Variants in IMPA1 observed in about 807,000 individuals in gnomAD.
IMPA1 encodes inositol monophosphatase 1.
In IMPA1, 21 loss-of-function variants were observed where a neutral mutation model predicts 34.9. That is an observed-to-expected ratio of 0.60 (90% CI 0.43 to 0.87). IMPA1 has a LOEUF of 0.87. Among genes scored for constraint, IMPA1 ranks in the 40% least tolerant of loss-of-function variants. The pLI is 0.00. For synonymous variants in IMPA1, 95 were observed against 104.4 expected, an observed-to-expected ratio of 0.91 and a Z score of 0.55; for missense variants, 299 against 336.4, an observed-to-expected ratio of 0.89 and a Z score of 0.87.
intron 7 of IMPA1, 50 bp downstream of exon 7, chr8:81,670,887 GCA>G (rs887364290): frequency 6.2e-5 from 54 of 871,500 alleles, no homozygotes; most frequent in South Asian, 1.9e-4. Context: ...AAAGGTGTGT[GCA>G]CACACACACG....
intron 7 of IMPA1, among the ~76,000 whole-genome samples, chr8:81,661,304 C>T (rs182728311): frequency 0.016 from 2,366 of 152,294 alleles, 63 homozygotes; most frequent in African/African-American, 0.053. Context: ...TGATAATTTA[C>T]AGAGTGTCAA....
chr8:81,686,045 C>G lies in IMPA1; in HGVS notation c.-25+207G>C. The G allele has an allele frequency of 3.4e-6, 4 of 1,179,804 alleles. 1 individual carries two copies. The South Asian group carries it at 5.5e-5, about 16-fold the overall frequency. 73.1% of individuals were successfully genotyped at this position (1,179,804 alleles called of 1,614,324 possible). On this transcript the variant is annotated intron_variant, in intron 1 of 8. Transcript: ENST00000256108. Reference sequence around the variant, plus strand: ...GGTTAAGTGAGGTCGCGTGAGCGAACCGCTACTCCAATGCCGGAACTGTTC... The same window carrying G: ...GGTTAAGTGAGGTCGCGTGAGCGAAGCGCTACTCCAATGCCGGAACTGTTC...
chr8:81,685,670 A>T, intron 1 of IMPA1: 1 of 478,168 alleles, frequency 2.1e-6, no homozygotes, highest in Non-Finnish European at 2.9e-6. Flanking sequence ...TTTTATATAT[A>T]TTTTTATATA....
chr8:81,681,590 C>T lies in IMPA1; in HGVS notation c.-24-6G>A, dbSNP rs367746531. 9.8e-6 allele frequency: 15 copies of T among 1,528,154 alleles called. No individual in the cohort carries two copies. The African/African-American group carries it at 1.5e-4, about 15-fold the overall frequency. The allele number at this position is 1,528,154 out of a possible 1,614,324, so 94.7% of individuals were successfully genotyped here. A position where few individuals can be genotyped will look rare whatever the true frequency, so the allele number is the denominator to read the frequency against. On this transcript the variant is annotated splice_region_variant and splice_polypyrimidine_tract_variant and intron_variant, in intron 1 of 8. Transcript: ENST00000256108. ...TGAAAATATTTGACAAATATCTGTA[C>T]AAAGTAGTTATAACTGTCTTAGAAG... is the stretch of plus-strand genomic sequence containing the variant.
chr8:81,662,837 C>T lies in IMPA1; in HGVS notation c.567-2170G>A, dbSNP rs984407373. Among the ~76,000 whole-genome samples, 180 of 152,164 alleles carry T rather than the reference C, an allele frequency of 1.2e-3. 1 individual carries two copies. The highest frequency in any genetic ancestry group is 1.2e-4 in the Non-Finnish European group (8 of 68,032). On this transcript the variant is annotated intron_variant, in intron 7 of 8. Transcript: ENST00000256108. ...ATGTCAGAAAATATCATATACCATA[C>T]ATAGTGAATTTCATCTACATGAATT...
At chr8:81,668,114 T>C (rs1806887217) in intron 7 of IMPA1, among the ~76,000 whole-genome samples, 1 of 152,166 alleles carries the variant, frequency 6.6e-6, no homozygotes, top group Non-Finnish European at 1.5e-5. Flanking sequence ...TGAGCCACCA[T>C]GGCCAGCCAA....
rs184462642 is a variant in IMPA1 at position 81,684,603 on chromosome 8, A to G, written c.-25+1649T>C. 1.9e-3 allele frequency among the ~76,000 whole-genome samples: 145 copies of G among 75,052 alleles called. 2 individuals carry two copies. The highest frequency in any genetic ancestry group is 0.021 in the Middle Eastern group (1 of 48). The allele number at this position is 75,052 out of a possible 152,430, so 49.2% of individuals were successfully genotyped here. ...TACACATAAGTATCTTTAGATATAT[A>G]TATCTAGTATATATATACTACACAT... is the stretch of plus-strand genomic sequence containing the variant. On this transcript the variant is annotated intron_variant, in intron 1 of 8. Coordinates refer to ENST00000256108, the MANE Select transcript of IMPA1 (RefSeq NM_005536.4).
chr8:81,676,280 C>CT lies in IMPA1; in HGVS notation c.303-2dup, dbSNP rs763126450. The CT allele has an allele frequency of 1.8e-5, 24 of 1,305,896 alleles. No individual in the cohort carries two copies. The highest frequency in any genetic ancestry group is 1.2e-4 in the South Asian group (8 of 66,156). 80.9% of individuals were successfully genotyped at this position (1,305,896 alleles called of 1,614,324 possible). A position where few individuals can be genotyped will look rare whatever the true frequency, so the allele number is the denominator to read the frequency against. ...AATTGAAACAGCTACAAAAGGAAATCTTTTTTTAAAAAAAAGGACAAAATA... is the reference window on the plus strand; with the variant it reads ...AATTGAAACAGCTACAAAAGGAAATCTTTTTTTTAAAAAAAAGGACAAAATA... On this transcript the variant is annotated splice_acceptor_variant, in intron 4 of 8. Transcript: ENST00000256108. LOFTEE classifies it high-confidence loss of function.
chr8:81,673,186 A>C (rs556841987), intron 6 of IMPA1, among the ~76,000 whole-genome samples: 62 of 152,354 alleles, frequency 4.1e-4, no homozygotes, highest in African/African-American at 1.5e-3. Flanking sequence ...TTATCTTCAC[A>C]GGTGTGGGAG....
In IMPA1 at chr8:81,685,188, T is replaced by C. The variant is rs559744981; in HGVS notation, c.-25+1064A>G. On this transcript the variant is annotated intron_variant, in intron 1 of 8. Coordinates refer to ENST00000256108, the MANE Select transcript of IMPA1 (RefSeq NM_005536.4). ...GTATATTTAGATACTATATATACTA[T>C]ACATAAGTATATTTAGATACTATAT... 4.4e-5 allele frequency among the ~76,000 whole-genome samples: 6 copies of C among 136,088 alleles called. No individual in the cohort carries two copies. In the South Asian group the frequency reaches 1.4e-3, roughly 32 times the overall value. The allele number at this position is 136,088 out of a possible 152,430, so 89.3% of individuals were successfully genotyped here.
rs1806597188 is a variant in IMPA1, at chr8:81,659,312, G to A, written c.*39C>T. ...TATCCATTGATGAGTCACCAAATCT[G>A]GGGAAAAGCAACTGGGATTGACTAT... On this transcript the variant is annotated 3_prime_UTR_variant, in exon 9 of 9. Transcript: ENST00000256108. 1 of 1,119,906 alleles carries A rather than the reference G, an allele frequency of 8.9e-7. No individual in the cohort carries two copies. Among genetic ancestry groups the A allele is most frequent in the Non-Finnish European group, 1.4e-6 (1 of 729,666 alleles). 69.4% of individuals were successfully genotyped at this position (1,119,906 alleles called of 1,614,324 possible). A position where few individuals can be genotyped will look rare whatever the true frequency, so the allele number is the denominator to read the frequency against.
At position 81,660,693 on chromosome 8, in the gene IMPA1, ATTGG is replaced by A. The variant is rs1166929939; in HGVS notation, c.567-30_567-27del. On this transcript the variant is annotated intron_variant, in intron 7 of 8. Transcript: ENST00000256108. ...CTAACAAATAGAATTTAGAAATAAA[ATTGG>A]AAAAAATAATCCTTTCAAGTAAGAT... The A allele has an allele frequency of 6.3e-6, 10 of 1,575,404 alleles. No individual in the cohort carries two copies. The Admixed American group carries it at 1.3e-4, about 20-fold the overall frequency.
chr8:81,667,055 A>G (rs1806849407), intron 7 of IMPA1, among the ~76,000 whole-genome samples: 1 of 152,118 alleles, frequency 6.6e-6, no homozygotes, highest in Non-Finnish European at 1.5e-5. Flanking sequence ...TTGCAAGGAG[A>G]AATACAGAGA....
rs1013786956 is a variant in IMPA1, at chr8:81,657,829, G to A, written c.*1522C>T. 6.6e-6 allele frequency: 1 copy of A among 152,034 alleles called. No homozygotes were observed. The highest frequency in any genetic ancestry group is 1.5e-5 in the Non-Finnish European group (1 of 68,030). 9.4% of individuals were successfully genotyped at this position (152,034 alleles called of 1,614,324 possible). A position where few individuals can be genotyped will look rare whatever the true frequency, so the allele number is the denominator to read the frequency against. ...GAAAGAGGAGGATCACTTGAGCCCA[G>A]GAATTTAAGGATACAGTGAGCTATG... On this transcript the variant is annotated 3_prime_UTR_variant, in exon 9 of 9. Transcript: ENST00000256108.
At chr8:81,671,682 G>A (rs537443914) in intron 6 of IMPA1, among the ~76,000 whole-genome samples, 1 of 152,194 alleles carries the variant, frequency 6.6e-6, no homozygotes, top group African/African-American at 2.4e-5. Flanking sequence ...CAGATCACGA[G>A]GTCAGGAGTT....
intron 8 of IMPA1, among the ~76,000 whole-genome samples, chr8:81,660,093 A>G (rs978173984): frequency 2.6e-5 from 4 of 152,226 alleles, no homozygotes; most frequent in Non-Finnish European, 5.9e-5. Context: ...CACATAAAAT[A>G]CACTAGCACT....
chr8:81,666,869 C>CAAAA (rs33975606), intron 7 of IMPA1, among the ~76,000 whole-genome samples: 3 of 39,338 alleles, frequency 7.6e-5, no homozygotes, highest in Non-Finnish European at 1.5e-4. Context: ...GACTCTGTCT[C>CAAAA]AAAAAAAAAA....
At chr8:81,684,536 TACACATA>T (rs2130337571) in intron 1 of IMPA1, among the ~76,000 whole-genome samples, 1 of 109,208 alleles carries the variant, frequency 9.2e-6, no homozygotes, top group Non-Finnish European at 1.8e-5. Context: ...GTATATATAC[TACACATA>T]AGTATCTTTA....
intron 5 of IMPA1, chr8:81,674,376 T>C (rs1365374273): frequency 1.1e-5 from 2 of 182,740 alleles, no homozygotes. Context: ...GAAATGTTAT[T>C]CTATCCTTTT....
Sources: gnomAD v4.1 joint callset for allele counts (sites outside exome capture counted in the v4.1 genomes callset) on GRCh38, gnomAD v4.1.1 for gene constraint, MANE v1.5 for transcripts, NCBI Gene and HGNC (gene_info 2026-07-23, HGNC 2026-07-21) for gene names.